DCLK2: variants seen among roughly 807,000 people sequenced by gnomAD.
DCLK2 encodes serine/threonine-protein kinase DCLK2.
In DCLK2, 31 loss-of-function variants were observed where a neutral mutation model predicts 78.4. That is an observed-to-expected ratio of 0.40 (90% CI 0.30 to 0.53). The LOEUF is 0.53. Ranked by LOEUF, DCLK2 falls within the 20% of genes least tolerant of loss-of-function variation. DCLK2 has a pLI of 0.61. For missense variants in DCLK2, 872 were observed against 973.7 expected, an observed-to-expected ratio of 0.90 and a Z score of 1.39; for synonymous variants, 407 against 374.9, an observed-to-expected ratio of 1.09 and a Z score of -0.99.
chr4:150,192,090 A>G (rs1299826462), intron 2 of DCLK2, among the ~76,000 whole-genome samples: 2 of 152,190 alleles, frequency 1.3e-5, no homozygotes, highest in Admixed American at 6.5e-5. Flanking sequence ...TCTGGTCACC[A>G]CTGGGATAAA....
chr4:150,255,771 C>T (rs138610359), intron 15 of DCLK2, among the ~76,000 whole-genome samples: 33 of 152,300 alleles, frequency 2.2e-4, no homozygotes, highest in Non-Finnish European at 3.4e-4. Flanking sequence ...CGAGAGAAGA[C>T]GACAGACATC....
chr4:150,235,542 A>G (rs1742433524), intron 10 of DCLK2, among the ~76,000 whole-genome samples: 1 of 152,230 alleles, frequency 6.6e-6, no homozygotes, highest in Non-Finnish European at 1.5e-5. Flanking sequence ...AAGGGAGGAG[A>G]AGGAAGAAGA....
At chr4:150,176,110 C>T (rs1459499014) in intron 2 of DCLK2, among the ~76,000 whole-genome samples, 2 of 152,206 alleles carry the variant, frequency 1.3e-5, no homozygotes, top group Admixed American at 1.3e-4. Context: ...TCTGTGCTGT[C>T]ATGCCTCCCT....
chr4:150,183,582 G>T (rs895272352), intron 2 of DCLK2, among the ~76,000 whole-genome samples: 1 of 152,048 alleles, frequency 6.6e-6, no homozygotes, highest in Non-Finnish European at 1.5e-5. Flanking sequence ...GTTATCTTGG[G>T]ATAGAAAACT....
chr4:150,183,394 A>C (rs954651504), intron 2 of DCLK2, among the ~76,000 whole-genome samples: 1 of 152,216 alleles, frequency 6.6e-6, no homozygotes, highest in African/African-American at 2.4e-5. Context: ...GTTTTTCTCA[A>C]ATCATCCTGA....
chr4:150,134,752 C>G (rs768289607), intron 2 of DCLK2, among the ~76,000 whole-genome samples: 1 of 152,128 alleles, frequency 6.6e-6, no homozygotes, highest in Non-Finnish European at 1.5e-5. Flanking sequence ...TTTTCTGCAG[C>G]CTGGTGTGCT....
chr4:150,234,366 A>G (rs1023367649), intron 10 of DCLK2, among the ~76,000 whole-genome samples: 1 of 152,126 alleles, frequency 6.6e-6, no homozygotes, highest in African/African-American at 2.4e-5. Context: ...TTTGTGTCTA[A>G]TTATCTTTAT....
At chr4:150,138,885 C>T (rs960914053) in intron 2 of DCLK2, among the ~76,000 whole-genome samples, 1 of 151,966 alleles carries the variant, frequency 6.6e-6, no homozygotes, top group Non-Finnish European at 1.5e-5. Context: ...AGGATGGTCT[C>T]AATCTCCTGA....
intron 4 of DCLK2, chr4:150,198,961 C>G (rs929608507): frequency 2.6e-6 from 3 of 1,139,062 alleles, no homozygotes; most frequent in Non-Finnish European, 3.6e-6. Context: ...TTTGAACGCA[C>G]ATTTAGAGCT....
At chr4:150,252,991 G>A (rs1000140216) in intron 15 of DCLK2, among the ~76,000 whole-genome samples, 1 of 152,128 alleles carries the variant, frequency 6.6e-6, no homozygotes, top group Non-Finnish European at 1.5e-5. Flanking sequence ...GGAGGGGAAG[G>A]CCTGCTGCTG....
At chr4:150,143,104 G>T (rs752807783) in intron 2 of DCLK2, among the ~76,000 whole-genome samples, 1 of 152,074 alleles carries the variant, frequency 6.6e-6, no homozygotes, top group Non-Finnish European at 1.5e-5. Context: ...TGGCTGCAAA[G>T]GACATGATTT....
rs199564226 is a variant in DCLK2, at chr4:150,092,468, C to CT, written c.422-10004dup. On this transcript the variant is annotated intron_variant, in intron 1 of 15. Coordinates refer to ENST00000296550, the MANE Select transcript of DCLK2 (RefSeq NM_001040260.4). ...AGTATCTCTACATCTTCTCTAATAC[C>CT]TTTTTTAAAAAAACCCATTCATCCT... is the stretch of plus-strand genomic sequence containing the variant. Among the ~76,000 whole-genome samples the CT allele has an allele frequency of 1.2e-3, 179 of 152,132 alleles. 2 individuals are homozygous for CT. In the East Asian group the frequency reaches 0.032, roughly 27 times the overall value.
chr4:150,242,329 G>T (rs991565570), intron 12 of DCLK2, among the ~76,000 whole-genome samples: 1 of 152,160 alleles, frequency 6.6e-6, no homozygotes, highest in Non-Finnish European at 1.5e-5. Context: ...AGACCTTTGT[G>T]GTATTAGTGG....
At chr4:150,132,999 T>C (rs558739199) in intron 2 of DCLK2, among the ~76,000 whole-genome samples, 2 of 152,356 alleles carry the variant, frequency 1.3e-5, no homozygotes, top group East Asian at 1.9e-4. Flanking sequence ...CCATAGTTAA[T>C]GTATACTGAT....
intron 2 of DCLK2, among the ~76,000 whole-genome samples, chr4:150,167,888 G>A (rs1736215387): frequency 6.6e-6 from 1 of 152,182 alleles, no homozygotes; most frequent in Admixed American, 6.5e-5. Context: ...ATTGGTAAGG[G>A]AAGAATGCCT....
At chr4:150,105,565 A>G (rs1377970070) in intron 2 of DCLK2, among the ~76,000 whole-genome samples, 2 of 152,074 alleles carry the variant, frequency 1.3e-5, no homozygotes, top group African/African-American at 4.8e-5. Context: ...CATTTTGTTA[A>G]TATGTATAAC....
At chr4:150,105,820 T>C (rs1357503056) in intron 2 of DCLK2, among the ~76,000 whole-genome samples, 9 of 152,202 alleles carry the variant, frequency 5.9e-5, no homozygotes, top group Non-Finnish European at 7.4e-5. Context: ...ACAAATTCCA[T>C]GTAATATGTT....
chr4:150,148,031 T>A (rs1734607339), intron 2 of DCLK2, among the ~76,000 whole-genome samples: 1 of 152,176 alleles, frequency 6.6e-6, no homozygotes, highest in Non-Finnish European at 1.5e-5. Flanking sequence ...GATAGTTTAT[T>A]GGTAAATGAA....
At chr4:150,140,112 T>G (rs1734009456) in intron 2 of DCLK2, among the ~76,000 whole-genome samples, 1 of 152,180 alleles carries the variant, frequency 6.6e-6, no homozygotes, top group African/African-American at 2.4e-5. Flanking sequence ...AAGAGGGGAA[T>G]GTAGAATCTA....
Sources: allele counts gnomAD v4.1 joint callset (sites outside exome capture counted in the v4.1 genomes callset), GRCh38; gene constraint gnomAD v4.1.1; transcripts MANE v1.5; gene names NCBI Gene and HGNC (gene_info 2026-07-23, HGNC 2026-07-21).